The following B3GLCT variants were observed in gnomAD, a reference collection of about 807,000 sequenced individuals.
B3GLCT encodes the protein beta 3-glucosyltransferase, also known as beta-1,3-glucosyltransferase.
In B3GLCT, 65 loss-of-function variants were observed where a neutral mutation model predicts 63.4. That is an observed-to-expected ratio of 1.03 (90% CI 0.84 to 1.26). The LOEUF is 1.26. B3GLCT is among the 50% of genes most tolerant of loss of function. B3GLCT has a pLI of 0.00. For missense variants in B3GLCT, 577 were observed against 604.8 expected, an observed-to-expected ratio of 0.95 and a Z score of 0.48; for synonymous variants, 233 against 219.2, an observed-to-expected ratio of 1.06 and a Z score of -0.55.
At chr13:31,232,619 C>A (rs2137777890) in intron 4 of B3GLCT, among the ~76,000 whole-genome samples, 1 of 152,314 alleles carries the variant, frequency 6.6e-6, no homozygotes, top group South Asian at 2.1e-4. Context: ...CAGATTGAGA[C>A]CGTATCACAT....
At position 31,230,786 on chromosome 13, in the gene B3GLCT, G is replaced by A. The variant is rs190550619; in HGVS notation, c.270+1492G>A. ...GCACTTTGGGAGGCCGAGGTGGGTG[G>A]ATCATGAGGTTGAGAGATCGAGACC... On this transcript the variant is annotated intron_variant, in intron 4 of 14. Transcript: ENST00000343307. Among the ~76,000 whole-genome samples, 173 of 152,236 alleles carry A rather than the reference G, an allele frequency of 1.1e-3. 1 individual carries two copies. The highest frequency in any genetic ancestry group is 9.5e-3 in the South Asian group (46 of 4,824).
intron 8 of B3GLCT, 92 bp from the exon 9 acceptor site, chr13:31,274,417 T>C: frequency 2.0e-6 from 3 of 1,502,364 alleles, no homozygotes; most frequent in Non-Finnish European, 1.9e-6. Context: ...CTATGGAAGA[T>C]GTGTTCTGCT....
chr13:31,290,798 C>A (rs909203227), intron 12 of B3GLCT, among the ~76,000 whole-genome samples: 2 of 152,152 alleles, frequency 1.3e-5, no homozygotes, highest in African/African-American at 4.8e-5. Context: ...AATTTTCTCC[C>A]ATTCTGTAGG....
chr13:31,308,352 A>AAAAAC (rs1555254565), intron 12 of B3GLCT, among the ~76,000 whole-genome samples: 3 of 18,186 alleles, frequency 1.6e-4, no homozygotes, highest in Admixed American at 1.9e-3. Flanking sequence ...AAAATTAAAA[A>AAAAAC]AAAAAAAACA....
At position 31,215,052 on chromosome 13, in the gene B3GLCT, T is replaced by G. The variant is rs1225616517; in HGVS notation, c.72T>G (p.Ala24=). ...TATTTCTTTTTTTTTTTTTTCCAGC[T>G]TTTGGTTTGGCTTCTGAAGATACAA... ...ALLALLTCSL[A]FGLASEDTKK... Residue 24 remains alanine, a splice_region_variant and synonymous_variant, in exon 2 of 15, where the codon GCT becomes GCG. Transcript: ENST00000343307. 8.1e-6 allele frequency: 13 copies of G among 1,608,392 alleles called. No homozygotes were observed. The highest frequency in any genetic ancestry group is 1.1e-5 in the Non-Finnish European group (13 of 1,178,948).
At chr13:31,206,290 G>A (rs373503160) in intron 1 of B3GLCT, among the ~76,000 whole-genome samples, 227 of 152,302 alleles carry the variant, frequency 1.5e-3, no homozygotes, top group East Asian at 2.7e-3. Context: ...AGATTCCTGC[G>A]TTCCAGCTCC....
At chr13:31,269,336 G>A in intron 8 of B3GLCT, 59 bp downstream of exon 8, 1 of 1,296,288 alleles carries the variant, frequency 7.7e-7, no homozygotes, top group Non-Finnish European at 1.1e-6. Context: ...GTCCTTTGAT[G>A]TAAAAGGTAT....
chr13:31,225,245 T>A (rs1870039385), intron 3 of B3GLCT, among the ~76,000 whole-genome samples: 1 of 152,178 alleles, frequency 6.6e-6, no homozygotes, highest in Non-Finnish European at 1.5e-5. Context: ...CAGATTGCAG[T>A]GAGTTTAAAG....
chr13:31,232,721 C>T (rs997423691), intron 4 of B3GLCT, among the ~76,000 whole-genome samples: 12 of 152,166 alleles, frequency 7.9e-5, no homozygotes, highest in Admixed American at 1.3e-4. Context: ...CATCTTGAGC[C>T]GCCGTGCTAA....
intron 8 of B3GLCT, among the ~76,000 whole-genome samples, chr13:31,273,940 C>T (rs1031656768): frequency 2.0e-5 from 3 of 152,156 alleles, no homozygotes; most frequent in Non-Finnish European, 4.4e-5. Flanking sequence ...GGGTCATAGA[C>T]TTCAGTCTCT....
chr13:31,241,908 C>T (rs755314733), intron 4 of B3GLCT, among the ~76,000 whole-genome samples: 43 of 152,046 alleles, frequency 2.8e-4, no homozygotes, highest in Non-Finnish European at 5.3e-4. Flanking sequence ...TTTATGGGCC[C>T]AGGGTTTGGA....
chr13:31,211,842 A>G (rs1352787149), intron 1 of B3GLCT, among the ~76,000 whole-genome samples: 2 of 152,202 alleles, frequency 1.3e-5, no homozygotes, highest in Non-Finnish European at 2.9e-5. Flanking sequence ...AATTTTCAGA[A>G]CCAGTACCAA....
intron 7 of B3GLCT, among the ~76,000 whole-genome samples, chr13:31,267,617 A>G (rs1002521520): frequency 2.6e-5 from 4 of 152,220 alleles, no homozygotes; most frequent in Non-Finnish European, 5.9e-5. Flanking sequence ...CAGATATTAT[A>G]TGGGGCTTCT....
At chr13:31,208,530 T>C (rs1225232542) in intron 1 of B3GLCT, among the ~76,000 whole-genome samples, 1 of 151,654 alleles carries the variant, frequency 6.6e-6, no homozygotes, top group Non-Finnish European at 1.5e-5. Flanking sequence ...TACCCTCCTT[T>C]ATTCTAGGAA....
chr13:31,327,391 AAG>A (rs1190672362), intron 14 of B3GLCT, among the ~76,000 whole-genome samples: 1 of 152,116 alleles, frequency 6.6e-6, no homozygotes, highest in Non-Finnish European at 1.5e-5. Context: ...ATGCTGAACA[AAG>A]GGAGGATTCA....
chr13:31,220,008 T>G (rs2137754103), intron 2 of B3GLCT, among the ~76,000 whole-genome samples: 1 of 152,338 alleles, frequency 6.6e-6, no homozygotes, highest in African/African-American at 2.4e-5. Context: ...AAGTGGGTCT[T>G]GTCATTATTA....
intron 2 of B3GLCT, among the ~76,000 whole-genome samples, chr13:31,218,187 CTTTTTTT>C (rs35142866): frequency 8.3e-6 from 1 of 119,866 alleles, no homozygotes; most frequent in African/African-American, 3.2e-5. Context: ...TTTGTGGCTA[CTTTTTTT>C]TTTTTTTTTT....
chr13:31,215,094 G>A lies in B3GLCT; in HGVS notation c.114G>A (p.Gln38=). ...AAGATACAAAGAAAGAGGTCAAGCA[G>A]TCTCAGGTACTAATCCCAATGATCA... The part of the protein sequence containing the change: ...ASEDTKKEVK[Q]SQDLEKSGIS... The change falls in exon 2 of 15, where the codon CAG becomes CAA. Residue 38 remains glutamine (Q), a synonymous_variant. Transcript: ENST00000343307. The A allele has an allele frequency of 6.2e-7, 1 of 1,610,584 alleles. No homozygotes were observed. Among genetic ancestry groups the A allele is most frequent in the Non-Finnish European group, 8.5e-7 (1 of 1,179,430 alleles).
At chr13:31,324,628 G>T (rs1593323337) in intron 14 of B3GLCT, among the ~76,000 whole-genome samples, 1 of 152,158 alleles carries the variant, frequency 6.6e-6, no homozygotes, top group African/African-American at 2.4e-5. Context: ...TCCTCCTCAA[G>T]AAATTTAAAG....
Sources: allele counts gnomAD v4.1 joint callset (sites outside exome capture counted in the v4.1 genomes callset), GRCh38; gene constraint gnomAD v4.1.1; transcripts MANE v1.5; gene names NCBI Gene and HGNC (gene_info 2026-07-23, HGNC 2026-07-21).